The following SHISA6 variants were observed in gnomAD, a reference collection of about 807,000 sequenced individuals.
SHISA6 encodes shisa family member 6.
SHISA6 carries 22 observed loss-of-function variants against 47.9 expected under a neutral mutation model. The observed-to-expected ratio is 0.46, with a 90% confidence interval of 0.33 to 0.66. The LOEUF is 0.66. Ranked by LOEUF, SHISA6 falls within the 30% of genes least tolerant of loss-of-function variation. The pLI is 0.02. For missense variants in SHISA6, 680 were observed against 764.6 expected, an observed-to-expected ratio of 0.89 and a Z score of 1.30; for synonymous variants, 388 against 337.8, an observed-to-expected ratio of 1.15 and a Z score of -1.63.
At chr17:11,270,971 A>G (rs1319481331) in intron 2 of SHISA6, among the ~76,000 whole-genome samples, 1 of 152,112 alleles carries the variant, frequency 6.6e-6, no homozygotes, top group African/African-American at 2.4e-5. Context: ...AGCTGGTTGA[A>G]CCAGGGTTCA....
intron 2 of SHISA6, among the ~76,000 whole-genome samples, chr17:11,339,880 G>A (rs1306498094): frequency 2.6e-5 from 4 of 152,152 alleles, no homozygotes; most frequent in East Asian, 1.9e-4. Flanking sequence ...AAAGACTCTC[G>A]AATAGAAGCT....
chr17:11,274,241 G>A lies in SHISA6; in HGVS notation c.799+10715G>A, dbSNP rs114985848. Among the ~76,000 whole-genome samples the A allele has an allele frequency of 4.3e-3, 661 of 152,270 alleles. 4 individuals carry two copies. Among genetic ancestry groups the A allele is most frequent in the African/African-American group, 0.013 (520 of 41,564 alleles). On this transcript the variant is annotated intron_variant, in intron 2 of 5. Transcript: ENST00000441885. ...TGGCCGGGGGAGAAAGGAGAACCAC[G>A]GAGCTGGCTCACTAATCACTCACCC...
chr17:11,272,612 G>A (rs528209881), intron 2 of SHISA6, among the ~76,000 whole-genome samples: 2 of 152,224 alleles, frequency 1.3e-5, no homozygotes, highest in South Asian at 2.1e-4. Flanking sequence ...CCACCTCTGG[G>A]CTGTCTGGTT....
intron 2 of SHISA6, among the ~76,000 whole-genome samples, chr17:11,377,488 G>C (rs1342877377): frequency 6.6e-6 from 1 of 152,190 alleles, no homozygotes; most frequent in East Asian, 1.9e-4. Flanking sequence ...CAGGAGACTT[G>C]ATAGAAGTGC....
At chr17:11,409,874 G>T (rs1218156406) in intron 3 of SHISA6, among the ~76,000 whole-genome samples, 1 of 152,158 alleles carries the variant, frequency 6.6e-6, no homozygotes, top group East Asian at 1.9e-4. Context: ...TACCTGGTGA[G>T]ACCATTGGTA....
At chr17:11,306,964 G>A (rs1910132101) in intron 2 of SHISA6, among the ~76,000 whole-genome samples, 1 of 152,142 alleles carries the variant, frequency 6.6e-6, no homozygotes, top group East Asian at 1.9e-4. Flanking sequence ...GCCTCTGAAA[G>A]AAGGCTTTGA....
intron 3 of SHISA6, among the ~76,000 whole-genome samples, chr17:11,528,680 C>T (rs138487193): frequency 6.6e-6 from 1 of 152,092 alleles, no homozygotes; most frequent in Non-Finnish European, 1.5e-5. Flanking sequence ...CACATTTTGG[C>T]AACCCAGGAG....
chr17:11,363,201 C>CT (rs35611414), intron 2 of SHISA6, among the ~76,000 whole-genome samples: 51,267 of 144,252 alleles, frequency 0.36, 9,037 homozygotes, highest in Middle Eastern at 0.42. Context: ...GGGTACATTT[C>CT]TTTTTTTTTT....
intron 3 of SHISA6, among the ~76,000 whole-genome samples, chr17:11,410,218 G>A (rs1914077565): frequency 6.6e-6 from 1 of 152,194 alleles, no homozygotes; most frequent in Admixed American, 6.5e-5. Context: ...AGTTGGCTGC[G>A]ACCTCATCTT....
Position 11,263,530 on chromosome 17 carries a change from A to G in SHISA6, c.799+4A>G, listed in dbSNP as rs1908318588. On this transcript the variant is annotated splice_donor_region_variant and intron_variant, in intron 2 of 5. Coordinates refer to ENST00000441885, the MANE Select transcript of SHISA6 (RefSeq NM_207386.4). ...CGTACGGCCAAGCAGACTCCAGGTA[A>G]GTAACAGCTGGGCACCTTGATTCTT... 6.4e-7 allele frequency: 1 copy of G among 1,551,534 alleles called. No individual in the cohort carries two copies. The highest frequency in any genetic ancestry group is 1.4e-5 in the African/African-American group (1 of 73,040).
At chr17:11,351,583 T>C (rs1043646084) in intron 2 of SHISA6, among the ~76,000 whole-genome samples, 2 of 152,242 alleles carry the variant, frequency 1.3e-5, no homozygotes, top group Admixed American at 6.5e-5. Context: ...AATCATGTAT[T>C]CATTACAGCA....
At chr17:11,466,199 A>G (rs1377726304) in intron 3 of SHISA6, among the ~76,000 whole-genome samples, 1 of 152,172 alleles carries the variant, frequency 6.6e-6, no homozygotes, top group Non-Finnish European at 1.5e-5. Context: ...ACATAAACAA[A>G]TCAATGCAAA....
At chr17:11,312,053 T>C (rs1384686080) in intron 2 of SHISA6, among the ~76,000 whole-genome samples, 3 of 152,170 alleles carry the variant, frequency 2.0e-5, no homozygotes, top group South Asian at 2.1e-4. Flanking sequence ...AGATTACAGG[T>C]GTGAGCCACC....
chr17:11,418,677 C>T (rs1360073620), intron 3 of SHISA6, among the ~76,000 whole-genome samples: 1 of 152,136 alleles, frequency 6.6e-6, no homozygotes, highest in Non-Finnish European at 1.5e-5. Flanking sequence ...CCTGCATTGG[C>T]GTAAGCATAT....
chr17:11,392,306 G>C (rs967063652), intron 3 of SHISA6, among the ~76,000 whole-genome samples: 1 of 152,136 alleles, frequency 6.6e-6, no homozygotes, highest in Admixed American at 6.5e-5. Context: ...GTCATTAGCT[G>C]CTGTGCCAAA....
intron 3 of SHISA6, among the ~76,000 whole-genome samples, chr17:11,410,329 G>T (rs1325223477): frequency 6.6e-6 from 1 of 152,190 alleles, no homozygotes; most frequent in Non-Finnish European, 1.5e-5. Flanking sequence ...TCTTGTACCA[G>T]CAGGTCCTTC....
At chr17:11,351,145 G>A (rs1351089783) in intron 2 of SHISA6, among the ~76,000 whole-genome samples, 1 of 151,982 alleles carries the variant, frequency 6.6e-6, no homozygotes, top group African/African-American at 2.4e-5. Context: ...CTGTTGGGGG[G>A]TGGGGAACAA....
intron 3 of SHISA6, among the ~76,000 whole-genome samples, chr17:11,525,649 AAAC>A (rs1221446011): frequency 0.15 from 9,069 of 59,386 alleles, 1,551 homozygotes; most frequent in Non-Finnish European, 0.18. Context: ...AAAAAAAAAA[AAAC>A]AAAAAAAAAA....
intron 2 of SHISA6, among the ~76,000 whole-genome samples, chr17:11,335,196 A>G (rs1911277445): frequency 6.6e-6 from 1 of 152,204 alleles, no homozygotes; most frequent in African/African-American, 2.4e-5. Context: ...GGTTGCACAG[A>G]TCTGCCCAGC....
Sources: gnomAD v4.1 joint callset for allele counts (sites outside exome capture counted in the v4.1 genomes callset) on GRCh38, gnomAD v4.1.1 for gene constraint, MANE v1.5 for transcripts, NCBI Gene and HGNC (gene_info 2026-07-23, HGNC 2026-07-21) for gene names.